Variants in ATAD2B observed in about 807,000 individuals in gnomAD.
ATAD2B encodes the protein ATPase family AAA domain-containing protein 2B.
ATAD2B carries 40 observed loss-of-function variants against 167.6 expected under a neutral mutation model. The ratio of observed to expected loss-of-function variants is 0.24; its 90% CI spans 0.19 to 0.31. The LOEUF is 0.31. ATAD2B is among the 10% of genes least tolerant of loss of function. The pLI is 1.00. For synonymous variants in ATAD2B, 579 were observed against 596.5 expected, an observed-to-expected ratio of 0.97 and a Z score of 0.43; for missense variants, 1,242 against 1,757.2, an observed-to-expected ratio of 0.71 and a Z score of 5.24.
chr2:23,760,259 C>T (rs1362187778), intron 24 of ATAD2B, among the ~76,000 whole-genome samples: 1 of 152,166 alleles, frequency 6.6e-6, no homozygotes, highest in Non-Finnish European at 1.5e-5. Flanking sequence ...GAGAAACAGA[C>T]CACATTAGCT....
chr2:23,879,508 G>C (rs1038778120), intron 7 of ATAD2B, among the ~76,000 whole-genome samples: 2 of 152,130 alleles, frequency 1.3e-5, no homozygotes, highest in African/African-American at 4.8e-5. Context: ...ACAAGGAATT[G>C]AGGTAGGAGG....
chr2:23,845,689 C>T (rs1488939447), intron 13 of ATAD2B, among the ~76,000 whole-genome samples: 1 of 150,210 alleles, frequency 6.7e-6, no homozygotes, highest in Non-Finnish European at 1.5e-5. Flanking sequence ...AAGCAATCCT[C>T]CCACCTCAAC....
chr2:23,872,377 G>A (rs573112765), intron 8 of ATAD2B: 21 of 666,204 alleles, frequency 3.2e-5, no homozygotes, highest in Middle Eastern at 4.4e-4. Context: ...AATACTAGTC[G>A]GCAGGTTCAG....
chr2:23,889,940 C>T (rs763356895), intron 2 of ATAD2B, among the ~76,000 whole-genome samples: 5 of 150,590 alleles, frequency 3.3e-5, no homozygotes, highest in African/African-American at 4.9e-5. Flanking sequence ...ACAGGCTGGG[C>T]GCGGTGGCTC....
At chr2:23,792,467 TAA>T (rs201253813) in intron 19 of ATAD2B, among the ~76,000 whole-genome samples, 13 of 120,878 alleles carry the variant, frequency 1.1e-4, no homozygotes, top group Non-Finnish European at 1.2e-4. Flanking sequence ...ACTTAAGATC[TAA>T]AAAAAAAAAA....
At chr2:23,788,002 G>C (rs1438349799) in intron 20 of ATAD2B, among the ~76,000 whole-genome samples, 1 of 151,994 alleles carries the variant, frequency 6.6e-6, no homozygotes, top group Non-Finnish European at 1.5e-5. Context: ...AACAAAGGCA[G>C]GATAGATTTT....
At chr2:23,698,617 A>ATAGAT in the ATAD2B span, among the ~76,000 whole-genome samples, 1 of 152,238 alleles carries the variant, frequency 6.6e-6, no homozygotes, top group Non-Finnish European at 1.5e-5. Flanking sequence ...TTATATAATT[A>ATAGAT]TAGATTAAGA....
intron 1 of ATAD2B, among the ~76,000 whole-genome samples, chr2:23,925,977 T>C (rs1360672662): frequency 1.3e-5 from 2 of 152,308 alleles, no homozygotes; most frequent in East Asian, 1.9e-4. Flanking sequence ...CTCTCCTGCC[T>C]GGAGAGGCGA....
intron 18 of ATAD2B, chr2:23,809,229 C>A (rs1191012700): frequency 6.6e-6 from 1 of 151,982 alleles, no homozygotes; most frequent in Non-Finnish European, 1.5e-5. Context: ...GGAAAACACA[C>A]CCAGGATGAG....
At chr2:23,700,649 G>A in the ATAD2B span, among the ~76,000 whole-genome samples, 2 of 152,234 alleles carry the variant, frequency 1.3e-5, no homozygotes, top group African/African-American at 4.8e-5. This position sits in a 1 kb window ranked among gnomAD's most constrained non-coding sequence, Gnocchi z 4.6. Flanking sequence ...CTCAGCTCCG[G>A]ATTCTTTTCT....
At chr2:23,687,597 G>C in the ATAD2B span, among the ~76,000 whole-genome samples, 1 of 152,228 alleles carries the variant, frequency 6.6e-6, no homozygotes, top group East Asian at 1.9e-4. Context: ...CAGGCAAGGA[G>C]ACGAGCAGAG....
intron 22 of ATAD2B, among the ~76,000 whole-genome samples, chr2:23,777,963 G>GT (rs899553395): frequency 2.4e-4 from 37 of 152,268 alleles, no homozygotes; most frequent in Middle Eastern, 3.4e-3. Context: ...GTATATGTTA[G>GT]TTTTTTCCCC....
At chr2:23,867,061 G>C (rs1463368664) in intron 10 of ATAD2B, among the ~76,000 whole-genome samples, 5 of 152,118 alleles carry the variant, frequency 3.3e-5, no homozygotes, top group Non-Finnish European at 4.4e-5. Flanking sequence ...TGAATTTCTA[G>C]TCCAGGTATT....
chr2:23,810,168 A>G, intron 18 of ATAD2B, 148 bp downstream of exon 18: 1 of 663,820 alleles, frequency 1.5e-6, no homozygotes. Flanking sequence ...CTTTACACTA[A>G]TACTAGAATG....
Position 23,795,696 on chromosome 2 carries a change from A to G in ATAD2B, c.2640+2442T>C, listed in dbSNP as rs146149462. ...GGAGTTCAAGACCAGCCTGGCCAAC[A>G]TGGTGAAACCCCATCTCTACTAAAA... On this transcript the variant is annotated intron_variant, in intron 19 of 27. Transcript: ENST00000238789. Among the ~76,000 whole-genome samples the G allele has an allele frequency of 1.1e-4, 17 of 152,176 alleles. No homozygotes were observed. The East Asian group carries it at 3.1e-3, about 28-fold the overall frequency.
chr2:23,890,318 C>T (rs1699299663), intron 2 of ATAD2B, among the ~76,000 whole-genome samples: 1 of 151,922 alleles, frequency 6.6e-6, no homozygotes, highest in South Asian at 2.1e-4. Flanking sequence ...AAATCTAGCC[C>T]CCCCGCCTTT....
intron 13 of ATAD2B, among the ~76,000 whole-genome samples, chr2:23,854,110 T>C (rs1475681371): frequency 1.3e-5 from 2 of 151,488 alleles, no homozygotes; most frequent in East Asian, 3.9e-4. Flanking sequence ...CCAGGCATGG[T>C]AGCACACACC....
At chr2:23,875,650 G>A (rs980172349) in intron 8 of ATAD2B, among the ~76,000 whole-genome samples, 179 bp downstream of exon 8, 1 of 152,216 alleles carries the variant, frequency 6.6e-6, no homozygotes. Context: ...AGAGACCAAA[G>A]AGCTGTGTAG....
At chr2:23,695,327 C>T in the ATAD2B span, among the ~76,000 whole-genome samples, 1 of 152,134 alleles carries the variant, frequency 6.6e-6, no homozygotes, top group African/African-American at 2.4e-5. The surrounding 1 kb of genome is among the most constrained non-coding windows in gnomAD (Gnocchi z 7.6). Context: ...TCCACAGCCC[C>T]AGGTGGAGTG....
Sources: gnomAD v4.1 joint callset for allele counts (sites outside exome capture counted in the v4.1 genomes callset) on GRCh38, gnomAD v4.1.1 for gene constraint, Gnocchi (gnomAD v3.1) non-coding constraint, MANE v1.5 for transcripts, NCBI Gene and HGNC (gene_info 2026-07-23, HGNC 2026-07-21) for gene names.